CCDC157: variants seen among roughly 807,000 people sequenced by gnomAD.
The protein encoded by CCDC157 is coiled-coil domain-containing protein 157.
In CCDC157, 60 loss-of-function variants were observed where a neutral mutation model predicts 70.9. The observed-to-expected ratio is 0.85, with a 90% CI of 0.69 to 1.05. CCDC157 has a LOEUF of 1.05. Ranked by LOEUF, CCDC157 falls within the 50% of genes least tolerant of loss-of-function variation. CCDC157 has a pLI of 0.00. For synonymous variants in CCDC157, 373 were observed against 422.4 expected (o/e 0.88, Z 1.43); for missense variants, 943 against 984.2 (o/e 0.96, Z 0.56).
At chr22:30,371,983 G>T in intron 6 of CCDC157, 92 bp from the exon 7 acceptor site, 2 of 906,636 alleles carry the variant, frequency 2.2e-6, no homozygotes, top group Non-Finnish European at 1.7e-6. Context: ...GGACTCTGAG[G>T]CCCAGAGATG....
chr22:30,375,020 A>C, intron 9 of CCDC157: 1 of 326,158 alleles, frequency 3.1e-6, no homozygotes, highest in Non-Finnish European at 5.9e-6. Flanking sequence ...GTGCAGTGGC[A>C]CAATCTCTGC....
intron 1 of CCDC157, among the ~76,000 whole-genome samples, chr22:30,359,498 G>A (rs1408209834): frequency 6.6e-6 from 1 of 152,170 alleles, no homozygotes; most frequent in African/African-American, 2.4e-5. Flanking sequence ...TGGTCTTGAC[G>A]TAGTGCCTGG....
chr22:30,378,228 A>G lies in CCDC157; in HGVS notation c.*1483A>G, dbSNP rs1466838208. On this transcript the variant is annotated 3_prime_UTR_variant, in exon 12 of 12. Transcript: ENST00000338306. ...GACTTCCTCCTCTTCTACCAGCAGA[A>G]AACTACTTTGAATAGGCTCATGTGG... 1 of 467,914 alleles carries G rather than the reference A, an allele frequency of 2.1e-6. No individual in the cohort carries two copies. Among genetic ancestry groups the G allele is most frequent in the Non-Finnish European group, 4.4e-6 (1 of 225,112 alleles). The allele number at this position is 467,914 out of a possible 1,614,324, so 29.0% of individuals were successfully genotyped here.
chr22:30,373,474 C>T, intron 7 of CCDC157, 123 bp from the exon 8 acceptor site: 1 of 1,076,604 alleles, frequency 9.3e-7, no homozygotes, highest in Non-Finnish European at 1.3e-6. Context: ...TCCCTAGACA[C>T]AGACACACAC....
chr22:30,361,076 A>G (rs916255315), intron 1 of CCDC157, among the ~76,000 whole-genome samples: 1 of 151,712 alleles, frequency 6.6e-6, no homozygotes, highest in Non-Finnish European at 1.5e-5. Context: ...TTAAAAATTT[A>G]AAAAATAATA....
chr22:30,361,247 C>CAAAAAAAA (rs33971565), intron 1 of CCDC157, among the ~76,000 whole-genome samples: 1 of 62,194 alleles, frequency 1.6e-5, no homozygotes, highest in Non-Finnish European at 3.1e-5. Context: ...GACTCTGTCT[C>CAAAAAAAA]AAAAAAAAAA....
Position 30,374,023 on chromosome 22 carries a change from T to C in CCDC157, c.1604T>C (p.Leu535Pro), listed in dbSNP as rs1349319856. ...ILELERELEE[L>P]KERERLLVAF... ...GAGCTAGAACGGGAGCTGGAGGAGC[T>C]GAAGGAGCGGGAGCGGCTGCTGGTG... Residue 535 changes from leucine to proline, a missense_variant, in exon 9 of 12, where the codon CTG becomes CCG. Leu to Pro is a moderately conservative substitution (Grantham distance 98). Coordinates refer to ENST00000338306, the MANE Select transcript of CCDC157 (RefSeq NM_001017437.5). The C allele has an allele frequency of 3.1e-6, 5 of 1,610,816 alleles. No individual in the cohort carries two copies.
chr22:30,377,712 TC>T lies in CCDC157; in HGVS notation c.*969del, dbSNP rs1292165279. 3 of 182,014 alleles carry T rather than the reference TC, an allele frequency of 1.6e-5. No individual in the cohort carries two copies. Among genetic ancestry groups the T allele is most frequent in the African/African-American group, 7.0e-5 (3 of 42,616 alleles). 11.3% of individuals were successfully genotyped at this position (182,014 alleles called of 1,614,324 possible). A position where few individuals can be genotyped will look rare whatever the true frequency, so the allele number is the denominator to read the frequency against. ...TCCTGCTTCTGAGGGGCCTGGGAGTTCCTGAGGGAGGCTGGGGTGCCCCGGG... is the reference window on the plus strand; with the variant it reads ...TCCTGCTTCTGAGGGGCCTGGGAGTTCTGAGGGAGGCTGGGGTGCCCCGGG... On this transcript the variant is annotated 3_prime_UTR_variant, in exon 12 of 12. Coordinates refer to ENST00000338306, the MANE Select transcript of CCDC157 (RefSeq NM_001017437.5).
At chr22:30,361,247 C>CAAA (rs33971565) in intron 1 of CCDC157, among the ~76,000 whole-genome samples, 49 of 62,094 alleles carry the variant, frequency 7.9e-4, no homozygotes, top group Non-Finnish European at 1.1e-3. Flanking sequence ...GACTCTGTCT[C>CAAA]AAAAAAAAAA....
rs1328801755 is a variant in CCDC157, at chr22:30,377,055, C to T, written c.*310C>T. 2.3e-5 allele frequency: 10 copies of T among 433,256 alleles called. No homozygotes were observed. Among genetic ancestry groups the T allele is most frequent in the Middle Eastern group, 1.2e-3 (2 of 1,626 alleles). The allele number at this position is 433,256 out of a possible 1,614,324, so 26.8% of individuals were successfully genotyped here. A position where few individuals can be genotyped will look rare whatever the true frequency, so the allele number is the denominator to read the frequency against. ...CTAAGACCTGGGCCAGGTGAAGGTC[C>T]GTTTTTCTATCCCCAGAGCAAGGGT... is the stretch of plus-strand genomic sequence containing the variant. On this transcript the variant is annotated 3_prime_UTR_variant, in exon 12 of 12. Coordinates refer to ENST00000338306, the MANE Select transcript of CCDC157 (RefSeq NM_001017437.5).
chr22:30,366,425 G>A, intron 3 of CCDC157, 177 bp downstream of exon 3: 2 of 725,326 alleles, frequency 2.8e-6, no homozygotes, highest in Non-Finnish European at 4.7e-6. Context: ...CTTTTATCAT[G>A]TGTCTTGTGT....
intron 2 of CCDC157, among the ~76,000 whole-genome samples, chr22:30,363,539 G>A (rs1441240874): frequency 6.6e-6 from 1 of 152,092 alleles, no homozygotes; most frequent in Non-Finnish European, 1.5e-5. Flanking sequence ...TGACTTGCCT[G>A]AGGCCAGGAA....
chr22:30,363,256 T>C (rs1932476990), intron 2 of CCDC157, among the ~76,000 whole-genome samples: 1 of 152,102 alleles, frequency 6.6e-6, no homozygotes, highest in South Asian at 2.1e-4. Context: ...CCTTCAGATG[T>C]CCACAGGCGG....
At position 30,377,877 on chromosome 22, in the gene CCDC157, G is replaced by T; in HGVS notation, c.*1132G>T. The T allele has an allele frequency of 2.9e-6, 1 of 347,216 alleles. No homozygotes were observed. Among genetic ancestry groups the T allele is most frequent in the South Asian group, 2.2e-5 (1 of 45,946 alleles). The allele number at this position is 347,216 out of a possible 1,614,324, so 21.5% of individuals were successfully genotyped here. On this transcript the variant is annotated 3_prime_UTR_variant, in exon 12 of 12. Coordinates refer to ENST00000338306, the MANE Select transcript of CCDC157 (RefSeq NM_001017437.5). ...CGTGCCATGTATTCATTAGCTCCCA[G>T]TTCTGGCAGTCAGAAGTCCAGGTTC...
At position 30,374,199 on chromosome 22, in the gene CCDC157, G is replaced by T. The variant is rs543338322; in HGVS notation, c.1672+108G>T. 8 of 1,376,780 alleles carry T rather than the reference G, an allele frequency of 5.8e-6. No individual in the cohort carries two copies. In the South Asian group the frequency reaches 6.8e-5, roughly 12 times the overall value. 85.3% of individuals were successfully genotyped at this position (1,376,780 alleles called of 1,614,324 possible). ...CTGCAGCTCCCTAGCCTGCAGCAAG[G>T]GTGTTAAAGCCAGGCGGCCAGCAGC... On this transcript the variant is annotated intron_variant, in intron 9 of 11. Transcript: ENST00000338306.
chr22:30,356,682 G>C, upstream of CCDC157: 1 of 1,374,810 alleles, frequency 7.3e-7, no homozygotes, highest in East Asian at 3.0e-5. Context: ...AGTAAGGAGC[G>C]CCCAGGCCAA....
chr22:30,369,696 A>T, intron 4 of CCDC157, 93 bp downstream of exon 4: 1 of 1,041,264 alleles, frequency 9.6e-7, no homozygotes, highest in Non-Finnish European at 1.3e-6. Flanking sequence ...CTGGCTTCCT[A>T]GCCTACCACT....
At position 30,370,844 on chromosome 22, in the gene CCDC157, G is replaced by C. The variant is rs1390026817; in HGVS notation, c.939G>C (p.Lys313Asn). ...QKDGLRKQAG[K>N]LEQALKQEQG... ...ATGGCCTGAGGAAGCAGGCGGGCAA[G>C]CTGGAGCAGGCGCTGAAACAGGAGC... The change falls in exon 5 of 12, where the codon AAG becomes AAC. Residue 313 changes from lysine (K) to asparagine (N), a missense_variant. Physicochemically the swap from Lys to Asn is moderately conservative, Grantham distance 94. Coordinates refer to ENST00000338306, the MANE Select transcript of CCDC157 (RefSeq NM_001017437.5). 3 of 1,612,582 alleles carry C rather than the reference G, an allele frequency of 1.9e-6. No homozygotes were observed. The East Asian group carries it at 6.7e-5, about 36-fold the overall frequency.
At chr22:30,364,630 C>CTA (rs1039929584) in intron 2 of CCDC157, among the ~76,000 whole-genome samples, 2 of 151,998 alleles carry the variant, frequency 1.3e-5, no homozygotes, top group African/African-American at 4.8e-5. Flanking sequence ...TGGAGAAACT[C>CTA]TATCTCTACT....
Sources: allele counts gnomAD v4.1 joint callset (sites outside exome capture counted in the v4.1 genomes callset), GRCh38; gene constraint gnomAD v4.1.1; transcripts MANE v1.5; gene names NCBI Gene and HGNC (gene_info 2026-07-23, HGNC 2026-07-21).